Variants in MID1 observed in about 807,000 individuals in gnomAD.
MID1 encodes the protein midline 1, also known as E3 ubiquitin-protein ligase Midline-1.
A neutral mutation model predicts 40.4 loss-of-function variants in MID1; 7 were observed. That is an observed-to-expected ratio of 0.17 (90% CI 0.10 to 0.33). MID1 has a LOEUF of 0.33. Ranked by LOEUF, MID1 falls within the 10% of genes least tolerant of loss-of-function variation. The probability of loss-of-function intolerance (pLI) is 1.00; values close to 1 mark genes in which losing one functional copy is unlikely to be tolerated. For missense variants in MID1, 367 were observed against 558.5 expected (o/e 0.66, Z 3.46); for synonymous variants, 229 against 221.2 (o/e 1.04, Z -0.31).
chrX:10,669,620 C>T (rs763299135), intron 1 of MID1, among the ~76,000 whole-genome samples: 1 of 112,001 alleles, frequency 8.9e-6, no homozygotes, highest in Non-Finnish European at 1.9e-5. Flanking sequence ...GTTTCACCAA[C>T]ACATAGGTAA....
intron 1 of MID1, among the ~76,000 whole-genome samples, chrX:10,694,760 T>C (rs1194918538): frequency 8.9e-6 from 1 of 112,076 alleles, no homozygotes; most frequent in East Asian, 2.8e-4. Context: ...AGTTGAAAAA[T>C]GCCTTTGCAA....
At chrX:10,767,009 G>A (rs2043735340) in intron 1 of MID1, among the ~76,000 whole-genome samples, 3 of 111,328 alleles carry the variant, frequency 2.7e-5, no homozygotes, top group African/African-American at 9.8e-5. Context: ...GGGGCTCAGG[G>A]CACACAACCT....
chrX:10,730,531 C>T (rs986097200), intron 1 of MID1, among the ~76,000 whole-genome samples: 1 of 107,375 alleles, frequency 9.3e-6, no homozygotes, highest in African/African-American at 3.4e-5. Context: ...TCACTCAAAT[C>T]GTACCGCAAC....
chrX:10,646,259 A>G (rs1022680306), intron 1 of MID1, among the ~76,000 whole-genome samples: 3 of 111,330 alleles, frequency 2.7e-5, no homozygotes, highest in African/African-American at 9.7e-5. Flanking sequence ...GGCAGAGTTC[A>G]ATTCTGCCCA....
At chrX:10,617,422 CCAAA>C (rs1935857618) in intron 1 of MID1, among the ~76,000 whole-genome samples, 1 of 112,358 alleles carries the variant, frequency 8.9e-6, no homozygotes, top group African/African-American at 3.2e-5. Flanking sequence ...AACGGGCTAA[CCAAA>C]CAGATTCACG....
intron 1 of MID1, among the ~76,000 whole-genome samples, chrX:10,738,949 CAAA>C (rs377057937): frequency 1.2e-4 from 8 of 65,823 alleles, no homozygotes; most frequent in African/African-American, 3.0e-4. Flanking sequence ...CTACTAAAGG[CAAA>C]AAAAAAAAAA....
intron 1 of MID1, among the ~76,000 whole-genome samples, chrX:10,584,830 C>G (rs781675656): frequency 9.0e-6 from 1 of 111,273 alleles, no homozygotes; most frequent in Non-Finnish European, 1.9e-5. Context: ...CCTCAGACAC[C>G]AAGTTAAAGA....
Position 10,523,029 on chromosome X carries a change from T to C in MID1, c.756+63A>G. The C allele has an allele frequency of 3.6e-6, 3 of 830,496 alleles. No homozygotes were observed. In the East Asian group the frequency reaches 9.4e-5, roughly 26 times the overall value. The allele number at this position is 830,496 out of a possible 1,213,427, so 68.4% of individuals were successfully genotyped here. On this transcript the variant is annotated intron_variant, in intron 3 of 9. Transcript: ENST00000317552. ...TTTAAAATTATAAAGCATGAGGATA[T>C]CAAAACCTTGATCTGGCAGTTTTCA...
chrX:10,796,330 G>A (rs1013568596), intron 1 of MID1, among the ~76,000 whole-genome samples: 3 of 109,107 alleles, frequency 2.7e-5, no homozygotes, highest in Non-Finnish European at 5.7e-5. Context: ...GGTATTTTAC[G>A]GTTATTGATT....
At position 10,559,538 on chromosome X, in the gene MID1, G is replaced by A. The variant is rs755769829; in HGVS notation, c.660+7350C>T. Among the ~76,000 whole-genome samples, 10 of 112,562 alleles carry A rather than the reference G, an allele frequency of 8.9e-5. 1 individual carries two copies. In the South Asian group the frequency reaches 2.2e-3, roughly 25 times the overall value. ...TAGGGTTACACAAAGAACATCATAC[G>A]TGGTAAAAAGTTAAAAAGGAATAAC... is the stretch of plus-strand genomic sequence containing the variant. On this transcript the variant is annotated intron_variant, in intron 2 of 9. Transcript: ENST00000317552.
At position 10,567,319 on chromosome X, in the gene MID1, C is replaced by T. The variant is rs143416243; in HGVS notation, c.229G>A (p.Val77Ile). Residue 77 changes from valine to isoleucine, a missense_variant, in exon 2 of 10, where the codon GTC (valine) becomes ATC (isoleucine). Val to Ile is a conservative substitution (Grantham distance 29, BLOSUM62 3). Transcript: ENST00000317552. ...CTGTCGATGATGTTCTGTAGGGTGACGTTGCGCTTGAGCCCGTCTAGACCT... is the reference window on the plus strand; with the variant it reads ...CTGTCGATGATGTTCTGTAGGGTGATGTTGCGCTTGAGCCCGTCTAGACCT... ...QRGLDGLKRN[V>I]TLQNIIDRFQ... The T allele has an allele frequency of 1.4e-4, 167 of 1,191,517 alleles. No homozygotes were observed. Among genetic ancestry groups the T allele is most frequent in the Middle Eastern group, 7.0e-4 (3 of 4,278 alleles).
At position 10,567,446 on chromosome X, in the gene MID1, G is replaced by A. The variant is rs748575345; in HGVS notation, c.102C>T (p.Ala34=). ...PCAHSLCFNC[A]HRILVSHCAT... ...CACAGTGTGATACTAGGATGCGGTGGGCGCAGTTGAAGCAGAGGCTGTGTG... is the reference window on the plus strand; with the variant it reads ...CACAGTGTGATACTAGGATGCGGTGAGCGCAGTTGAAGCAGAGGCTGTGTG... The change falls in exon 2 of 10, where the codon GCC becomes GCT. Residue 34 remains alanine (A), a synonymous_variant. Coordinates refer to ENST00000317552, the MANE Select transcript of MID1 (RefSeq NM_000381.4). 1.7e-6 allele frequency: 2 copies of A among 1,211,472 alleles called. No homozygotes were observed. Among genetic ancestry groups the A allele is most frequent in the East Asian group, 5.9e-5 (2 of 33,826 alleles).
At chrX:10,569,310 G>A (rs997744661) in intron 1 of MID1, among the ~76,000 whole-genome samples, 4 of 111,745 alleles carry the variant, frequency 3.6e-5, no homozygotes, top group Non-Finnish European at 7.5e-5. Flanking sequence ...CCATTCACTA[G>A]CATTTATTAT....
At chrX:10,631,416 G>A (rs1936050971) in intron 1 of MID1, among the ~76,000 whole-genome samples, 1 of 111,923 alleles carries the variant, frequency 8.9e-6, no homozygotes, top group Admixed American at 9.5e-5. Context: ...GGCACAGAGA[G>A]GCAAAGTAAC....
chrX:10,565,437 C>T (rs775835901), intron 2 of MID1: 35 of 329,519 alleles, frequency 1.1e-4, no homozygotes, highest in Non-Finnish European at 1.9e-4. Context: ...CTATGTGGTC[C>T]CAGTAAACAC....
At chrX:10,664,875 G>T (rs1468667927) in intron 1 of MID1, among the ~76,000 whole-genome samples, 1 of 112,104 alleles carries the variant, frequency 8.9e-6, no homozygotes, top group African/African-American at 3.2e-5. Flanking sequence ...AAAGCCATCA[G>T]AAATTAGAAT....
At chrX:10,506,344 T>A in intron 3 of MID1, 1 of 1,090,937 alleles carries the variant, frequency 9.2e-7, no homozygotes, top group Non-Finnish European at 1.2e-6. Context: ...GGTCAAATTG[T>A]TGCCAGAAAA....
At chrX:10,772,882 T>A (rs1417423267) in intron 1 of MID1, among the ~76,000 whole-genome samples, 1 of 110,347 alleles carries the variant, frequency 9.1e-6, no homozygotes, top group Non-Finnish European at 1.9e-5. Flanking sequence ...GGTAAAATCA[T>A]ATAAAGTAGT....
chrX:10,469,385 T>A (rs189524233), intron 7 of MID1: 1 of 1,012,443 alleles, frequency 9.9e-7, no homozygotes, highest in Non-Finnish European at 1.3e-6. Context: ...ATTAATACTA[T>A]ATATATATAT....
Sources: gnomAD v4.1 joint callset for allele counts (sites outside exome capture counted in the v4.1 genomes callset) on GRCh38, gnomAD v4.1.1 for gene constraint, MANE v1.5 for transcripts, NCBI Gene and HGNC (gene_info 2026-07-23, HGNC 2026-07-21) for gene names.